The following ARB2A variants were observed in gnomAD, a reference collection of about 807,000 sequenced individuals.
ARB2A encodes cotranscriptional regulator ARB2A.
chr5:94,102,695 C>T, the ARB2A span, among the ~76,000 whole-genome samples: 2 of 151,958 alleles, frequency 1.3e-5, no homozygotes, highest in African/African-American at 4.8e-5. Context: ...TCAAGACAAC[C>T]ATGCTGAAGA....
At chr5:93,851,597 TC>T in the ARB2A span, among the ~76,000 whole-genome samples, 5 of 152,184 alleles carry the variant, frequency 3.3e-5, no homozygotes, top group Non-Finnish European at 5.9e-5. Flanking sequence ...AAGCTATCCC[TC>T]CCCGCTTCCG....
the ARB2A span, among the ~76,000 whole-genome samples, chr5:93,866,375 G>A: frequency 2.0e-5 from 3 of 152,064 alleles, no homozygotes; most frequent in African/African-American, 7.3e-5. Flanking sequence ...TAACTTTTAG[G>A]TGCAAGCCTA....
chr5:93,866,614 C>T, the ARB2A span, among the ~76,000 whole-genome samples: 30 of 152,094 alleles, frequency 2.0e-4, 1 homozygote, highest in East Asian at 5.0e-3. Flanking sequence ...CTGTATATGC[C>T]GGTTTTGTAT....
At chr5:93,649,245 T>C in the ARB2A span, among the ~76,000 whole-genome samples, 1 of 152,198 alleles carries the variant, frequency 6.6e-6, no homozygotes, top group East Asian at 1.9e-4. Flanking sequence ...GTTCTTATCC[T>C]GGCAATTGGT....
At chr5:93,731,743 C>T in the ARB2A span, among the ~76,000 whole-genome samples, 1 of 152,198 alleles carries the variant, frequency 6.6e-6, no homozygotes, top group East Asian at 1.9e-4. Context: ...CTACATTACA[C>T]ATCCTGAAAG....
the ARB2A span, among the ~76,000 whole-genome samples, chr5:93,980,648 T>C: frequency 4.4e-4 from 67 of 152,272 alleles, no homozygotes; most frequent in African/African-American, 1.6e-3. Flanking sequence ...CTGAGCTATA[T>C]ACTAAGTAAT....
chr5:94,088,425 A>T, the ARB2A span, among the ~76,000 whole-genome samples: 1 of 152,198 alleles, frequency 6.6e-6, no homozygotes, highest in African/African-American at 2.4e-5. Context: ...TGACACCTAT[A>T]ACCCCAGCAC....
the ARB2A span, chr5:93,862,806 A>AATC: frequency 9.2e-5 from 14 of 152,228 alleles, no homozygotes; most frequent in African/African-American, 3.1e-4. Flanking sequence ...AATCTCTGAT[A>AATC]ATACTGATGC....
At chr5:93,716,121 G>A in the ARB2A span, among the ~76,000 whole-genome samples, 1 of 152,160 alleles carries the variant, frequency 6.6e-6, no homozygotes, top group East Asian at 1.9e-4. Flanking sequence ...TACGAAGGAG[G>A]TTTAATAAGG....
the ARB2A span, among the ~76,000 whole-genome samples, chr5:93,622,332 G>A: frequency 3.9e-5 from 6 of 152,152 alleles, no homozygotes; most frequent in South Asian, 2.1e-4. Flanking sequence ...CTTTAACATT[G>A]TTAATGATAA....
At chr5:93,766,298 G>C in the ARB2A span, among the ~76,000 whole-genome samples, 1 of 152,060 alleles carries the variant, frequency 6.6e-6, no homozygotes, top group Non-Finnish European at 1.5e-5. Flanking sequence ...ATCTGACAAA[G>C]GGTTAATATC....
chr5:93,985,429 CT>C, the ARB2A span, among the ~76,000 whole-genome samples: 10 of 151,810 alleles, frequency 6.6e-5, no homozygotes, highest in Non-Finnish European at 1.3e-4. Context: ...CGGTCTCCCC[CT>C]CTCCCTCTTC....
At chr5:94,058,981 A>G in the ARB2A span, among the ~76,000 whole-genome samples, 1 of 152,056 alleles carries the variant, frequency 6.6e-6, no homozygotes, top group Non-Finnish European at 1.5e-5. Flanking sequence ...ACCATGTAAC[A>G]TACTGGTACC....
At chr5:93,854,136 C>T in the ARB2A span, among the ~76,000 whole-genome samples, 2 of 152,120 alleles carry the variant, frequency 1.3e-5, no homozygotes, top group Admixed American at 6.5e-5. Flanking sequence ...AATTTCAGAG[C>T]CTGTTATTGG....
At chr5:93,898,248 T>A in the ARB2A span, among the ~76,000 whole-genome samples, 3 of 152,160 alleles carry the variant, frequency 2.0e-5, no homozygotes, top group South Asian at 6.2e-4. Flanking sequence ...TTATGCATGA[T>A]CTTCCTGGAT....
At chr5:93,988,709 T>G in the ARB2A span, among the ~76,000 whole-genome samples, 5,617 of 152,230 alleles carry the variant, frequency 0.037, 223 homozygotes, top group East Asian at 0.16. Context: ...GAGTAAATAG[T>G]AATAATAGTA....
chr5:94,016,127 G>C, the ARB2A span, among the ~76,000 whole-genome samples: 1 of 152,180 alleles, frequency 6.6e-6, no homozygotes, highest in African/African-American at 2.4e-5. Flanking sequence ...AAAAAGAGCA[G>C]AAGTAGTTGT....
At chr5:93,637,389 A>G in the ARB2A span, among the ~76,000 whole-genome samples, 1 of 130,032 alleles carries the variant, frequency 7.7e-6, no homozygotes, top group Non-Finnish European at 1.6e-5. Context: ...TATTATGACT[A>G]AAGCTGCTAA....
At chr5:93,737,377 C>A in the ARB2A span, 1 of 152,014 alleles carries the variant, frequency 6.6e-6, no homozygotes, top group Non-Finnish European at 1.5e-5. Context: ...TATGAGGGTT[C>A]AATGCACTCT....
Sources: gnomAD v4.1 joint callset for allele counts (sites outside exome capture counted in the v4.1 genomes callset) on GRCh38, gnomAD v4.1.1 for gene constraint, MANE v1.5 for transcripts, NCBI Gene and HGNC (gene_info 2026-07-23, HGNC 2026-07-21) for gene names.